Variants in PCDHA5 observed in about 807,000 individuals in gnomAD.
PCDHA5 encodes protocadherin alpha-5.
PCDHA5 carries 43 observed loss-of-function variants against 61.6 expected under a neutral mutation model. The ratio of observed to expected loss-of-function variants is 0.70; its 90% CI spans 0.55 to 0.90. PCDHA5 has a LOEUF of 0.90. PCDHA5 is among the 40% of genes least tolerant of loss of function. The pLI, the probability that PCDHA5 is intolerant of heterozygous loss-of-function variation, is 0.00. For synonymous variants in PCDHA5, 627 were observed against 543.9 expected, an observed-to-expected ratio of 1.15 and a Z score of -2.13; for missense variants, 1,298 against 1,222.7, an observed-to-expected ratio of 1.06 and a Z score of -0.92.
intron 3 of PCDHA5, among the ~76,000 whole-genome samples, chr5:140,998,105 A>G (rs1554256162): frequency 6.6e-6 from 1 of 152,204 alleles, no homozygotes; most frequent in African/African-American, 2.4e-5. Context: ...CAAACAGAGG[A>G]GAAAATTTAC....
At chr5:140,956,356 T>C (rs1283114496) in intron 1 of PCDHA5, among the ~76,000 whole-genome samples, 3 of 152,218 alleles carry the variant, frequency 2.0e-5, no homozygotes, top group Non-Finnish European at 4.4e-5. Flanking sequence ...ATTTTTAACA[T>C]GAAGGGATGT....
Position 141,009,908 on chromosome 5 carries a change from A to G in PCDHA5, c.2782A>G (p.Asn928Asp), listed in dbSNP as rs1295693430. The G allele has an allele frequency of 6.2e-7, 1 of 1,612,848 alleles. No individual in the cohort carries two copies. Among genetic ancestry groups the G allele is most frequent in the Non-Finnish European group, 8.5e-7 (1 of 1,179,798 alleles). Residue 928 changes from asparagine to aspartate, a missense_variant, in exon 4 of 4, where the codon AAC (asparagine) becomes GAC (aspartate). By Grantham distance (23) the Asn-to-Asp change is conservative (BLOSUM62 1). Transcript: ENST00000529859. Reference sequence around the variant, plus strand: ...GACCCAGGAGAAAAAAGAGAAAGGGAACAGCACGACTGACAACAGTGACCA... The same window carrying G: ...GACCCAGGAGAAAAAAGAGAAAGGGGACAGCACGACTGACAACAGTGACCA... ...NKTQEKKEKG[N>D]STTDNSDQ
chr5:140,932,063 T>C (rs1020375496), intron 1 of PCDHA5, among the ~76,000 whole-genome samples: 8 of 151,942 alleles, frequency 5.3e-5, no homozygotes, highest in African/African-American at 1.4e-4. Context: ...CTAAAAATTA[T>C]CAGTTTAAGA....
chr5:140,834,252 ACG>A, intron 1 of PCDHA5: 2 of 916,406 alleles, frequency 2.2e-6, no homozygotes, highest in Non-Finnish European at 3.3e-6. Context: ...CACTGGAAAG[ACG>A]CTCCACTCTC....
chr5:140,989,788 G>GC (rs1331311072), intron 3 of PCDHA5, among the ~76,000 whole-genome samples: 30 of 152,276 alleles, frequency 2.0e-4, no homozygotes, highest in African/African-American at 4.6e-4. Context: ...GAGACTAGAG[G>GC]CCCCCAGGAA....
intron 1 of PCDHA5, chr5:140,834,565 C>G (rs2150221167): frequency 2.5e-6 from 4 of 1,613,968 alleles, no homozygotes; most frequent in Admixed American, 3.3e-5. Context: ...GAGCTGGTGC[C>G]GCGCCTGTTC....
chr5:140,910,381 TG>T (rs2075003327), intron 1 of PCDHA5, among the ~76,000 whole-genome samples: 1 of 152,188 alleles, frequency 6.6e-6, no homozygotes, highest in Admixed American at 6.5e-5. Context: ...ACCTTGCCTT[TG>T]ACAGTTGACT....
intron 1 of PCDHA5, among the ~76,000 whole-genome samples, chr5:140,953,278 T>C (rs1227774652): frequency 6.6e-5 from 10 of 152,146 alleles, no homozygotes; most frequent in African/African-American, 2.4e-4. Flanking sequence ...CTTTGCTCTT[T>C]ATATGTGATT....
intron 1 of PCDHA5, among the ~76,000 whole-genome samples, chr5:140,923,034 C>T (rs1252133915): frequency 6.6e-6 from 1 of 152,174 alleles, no homozygotes; most frequent in Non-Finnish European, 1.5e-5. Context: ...TCTATTACTA[C>T]ATGTATAGTA....
At chr5:140,870,561 C>T (rs544569992) in intron 1 of PCDHA5, 6 of 1,614,010 alleles carry the variant, frequency 3.7e-6, no homozygotes, top group African/African-American at 1.3e-5. Flanking sequence ...CGCAGGAGAA[C>T]GCGCTGGTGT....
Position 140,941,473 on chromosome 5 carries a change from G to A in PCDHA5, c.2353-37476G>A, listed in dbSNP as rs192163900. Among the ~76,000 whole-genome samples, 149 of 151,018 alleles carry A rather than the reference G, an allele frequency of 9.9e-4. 1 individual carries two copies. Among genetic ancestry groups the A allele is most frequent in the African/African-American group, 3.5e-3 (143 of 41,138 alleles). Reference sequence around the variant, plus strand: ...TGGGATTACAGGCGCCCACCACCACGCCTGGCTAATTTTTTGTATTTTTAG... The same window carrying A: ...TGGGATTACAGGCGCCCACCACCACACCTGGCTAATTTTTTGTATTTTTAG... On this transcript the variant is annotated intron_variant, in intron 1 of 3. Coordinates refer to ENST00000529859, the MANE Select transcript of PCDHA5 (RefSeq NM_018908.3).
intron 1 of PCDHA5, chr5:140,927,762 T>A (rs781993567): frequency 1.8e-5 from 29 of 1,613,934 alleles, no homozygotes; most frequent in Non-Finnish European, 2.4e-5. Context: ...ACCCTAAAAG[T>A]GGGGAGGTGC....
rs1554231011 is a variant in PCDHA5 at position 140,968,738 on chromosome 5, C to G, written c.2353-10211C>G. 10 of 1,614,040 alleles carry G rather than the reference C, an allele frequency of 6.2e-6. No individual in the cohort carries two copies. The Admixed American group carries it at 6.7e-5, about 11-fold the overall frequency. On this transcript the variant is annotated intron_variant, in intron 1 of 3. Transcript: ENST00000529859. ...AGATGAGAGTGGTAGCACTTTCAAC[C>G]TGACCGTGGTGGTCCGAGATAATGG...
chr5:140,840,076 AG>A (rs1237018170), intron 1 of PCDHA5, among the ~76,000 whole-genome samples: 2 of 152,044 alleles, frequency 1.3e-5, no homozygotes, highest in Non-Finnish European at 2.9e-5. Context: ...GTCAATAGAA[AG>A]ATAAACTTGT....
intron 1 of PCDHA5, among the ~76,000 whole-genome samples, chr5:140,878,501 C>T (rs186968165): frequency 5.9e-5 from 9 of 152,226 alleles, no homozygotes; most frequent in Admixed American, 2.0e-4. Flanking sequence ...ACCATCTGTA[C>T]GATACAGTAC....
At chr5:140,939,335 T>A (rs1195092720) in intron 1 of PCDHA5, among the ~76,000 whole-genome samples, 2 of 152,080 alleles carry the variant, frequency 1.3e-5, no homozygotes, top group Non-Finnish European at 2.9e-5. Context: ...ATCTTAGGGG[T>A]TAGCATTTCA....
Position 140,824,208 on chromosome 5 carries a change from T to A in PCDHA5, c.2352+81T>A, listed in dbSNP as rs1554129802. ...GTCACATTCACCCACTTTTTTTGTA[T>A]TTAAAAATTATGTCTTAGTACACAA... On this transcript the variant is annotated intron_variant, in intron 1 of 3. Transcript: ENST00000529859. 4 of 1,587,540 alleles carry A rather than the reference T, an allele frequency of 2.5e-6. No homozygotes were observed. In the Admixed American group the frequency reaches 6.7e-5, roughly 27 times the overall value.
intron 3 of PCDHA5, among the ~76,000 whole-genome samples, chr5:141,006,466 G>T (rs2153987717): frequency 6.6e-6 from 1 of 152,178 alleles, no homozygotes; most frequent in South Asian, 2.1e-4. Context: ...GCCTGTCTCG[G>T]CCTCCCAAAG....
At chr5:140,835,436 T>A in intron 1 of PCDHA5, 1 of 1,613,890 alleles carries the variant, frequency 6.2e-7, no homozygotes, top group Non-Finnish European at 8.5e-7. Context: ...CACAGTTGAC[T>A]CTCACTTCCC....
Sources: allele counts gnomAD v4.1 joint callset (sites outside exome capture counted in the v4.1 genomes callset), GRCh38; gene constraint gnomAD v4.1.1; transcripts MANE v1.5; gene names NCBI Gene and HGNC (gene_info 2026-07-23, HGNC 2026-07-21).